TRIM37: variants seen among roughly 807,000 people sequenced by gnomAD.
TRIM37 encodes E3 ubiquitin-protein ligase TRIM37.
TRIM37 carries 80 observed loss-of-function variants against 129.8 expected under a neutral mutation model. The ratio of observed to expected loss-of-function variants is 0.62; its 90% CI spans 0.51 to 0.74. TRIM37 has a LOEUF of 0.74. Among genes scored for constraint, TRIM37 ranks in the 30% least tolerant of loss-of-function variants. The pLI is 0.00. For missense variants in TRIM37, 1,054 were observed against 1,176.5 expected (o/e 0.90, Z 1.52); for synonymous variants, 389 against 387.1 (o/e 1.00, Z -0.06).
rs535883135 is a variant in TRIM37, at chr17:59,088,517, A to T, written c.165-110T>A. 388 of 605,668 alleles carry T rather than the reference A, an allele frequency of 6.4e-4. 1 individual carries two copies. The highest frequency in any genetic ancestry group is 2.0e-3 in the Middle Eastern group (7 of 3,422). 37.5% of individuals were successfully genotyped at this position (605,668 alleles called of 1,614,324 possible). On this transcript the variant is annotated intron_variant, in intron 3 of 23. Coordinates refer to ENST00000262294, the MANE Select transcript of TRIM37 (RefSeq NM_015294.6). ...ACAATAATACTCATACCATAACACTATTTTTTTTTTTTAAGAGATGAGTCT... is the reference window on the plus strand; with the variant it reads ...ACAATAATACTCATACCATAACACTTTTTTTTTTTTTTAAGAGATGAGTCT...
chr17:59,089,742 A>G (rs1460315548), intron 3 of TRIM37, among the ~76,000 whole-genome samples: 2 of 152,226 alleles, frequency 1.3e-5, no homozygotes, highest in African/African-American at 2.4e-5. Context: ...TGGACAGTGT[A>G]GACATAGAAC....
Position 59,001,634 on chromosome 17 carries a change from C to G in TRIM37, c.2776G>C (p.Asp926His), listed in dbSNP as rs375437566. 1.9e-6 allele frequency: 3 copies of G among 1,613,876 alleles called. No individual in the cohort carries two copies. Among genetic ancestry groups the G allele is most frequent in the Non-Finnish European group, 2.5e-6 (3 of 1,179,990 alleles). Reference protein sequence around the residue: ...EEHTSVGGFHDSFMVMTQPPD... With the variant: ...EEHTSVGGFHHSFMVMTQPPD... Reference sequence around the variant, plus strand: ...GGCTGTGTCATGACCATGAAGGAGTCGTGAAACCCGCCCACACTGGTATGC... The same window carrying G: ...GGCTGTGTCATGACCATGAAGGAGTGGTGAAACCCGCCCACACTGGTATGC... Residue 926 changes from aspartate to histidine, a missense_variant, in exon 23 of 24, where the codon GAC becomes CAC. By Grantham distance (81) the Asp-to-His change is moderately conservative (BLOSUM62 -1). Transcript: ENST00000262294.
At chr17:58,996,308 T>C (rs2032989705), downstream of TRIM37, among the ~76,000 whole-genome samples, 1 of 150,252 alleles carries the variant, frequency 6.7e-6, no homozygotes, top group African/African-American at 2.5e-5. Context: ...CCATCTCTAC[T>C]AAAATACAAA....
chr17:59,007,935 T>G (rs911965725), intron 22 of TRIM37, among the ~76,000 whole-genome samples: 3 of 152,206 alleles, frequency 2.0e-5, no homozygotes, highest in Non-Finnish European at 4.4e-5. Flanking sequence ...CTTTTTGTAT[T>G]CAGCTAAAAT....
chr17:59,078,996 C>G (rs143263017), intron 7 of TRIM37, among the ~76,000 whole-genome samples: 1 of 147,638 alleles, frequency 6.8e-6, no homozygotes, highest in Non-Finnish European at 1.5e-5. Flanking sequence ...TGGATAAAAT[C>G]ATTATTTTGG....
chr17:58,980,699 TCTC>T (rs761247536), downstream of TRIM37: 7 of 1,614,212 alleles, frequency 4.3e-6, no homozygotes, highest in Non-Finnish European at 5.9e-6. This position sits in a 1 kb window ranked among gnomAD's most constrained non-coding sequence, Gnocchi z 4.7. Context: ...GCAGAGCTTG[TCTC>T]CTGTCTGTTC....
At chr17:58,986,504 C>CTT (rs530928011) in intron 24 of TRIM37, among the ~76,000 whole-genome samples, 1,289 of 124,952 alleles carry the variant, frequency 0.01, 29 homozygotes, top group Middle Eastern at 0.014. Context: ...TTCCATCTGT[C>CTT]TTTTTTTTTT....
At chr17:59,089,741 T>C (rs1020564789) in intron 3 of TRIM37, among the ~76,000 whole-genome samples, 6 of 152,182 alleles carry the variant, frequency 3.9e-5, no homozygotes, top group East Asian at 1.9e-4. Flanking sequence ...CTGGACAGTG[T>C]AGACATAGAA....
intron 10 of TRIM37, 72 bp from the exon 11 acceptor site, chr17:59,062,720 A>G: frequency 8.1e-7 from 1 of 1,234,916 alleles, no homozygotes; most frequent in Non-Finnish European, 1.2e-6. Context: ...AAAAAGAAAG[A>G]CCAACCAGTT....
At chr17:58,974,381 A>T in the TRIM37 span, among the ~76,000 whole-genome samples, 2 of 152,184 alleles carry the variant, frequency 1.3e-5, no homozygotes. Context: ...CTGGAGTTTC[A>T]AAGAACCCTA....
At position 59,032,904 on chromosome 17, in the gene TRIM37, T is replaced by G. The variant is rs539382488; in HGVS notation, c.1754-814A>C. On this transcript the variant is annotated intron_variant, in intron 17 of 23. Coordinates refer to ENST00000262294, the MANE Select transcript of TRIM37 (RefSeq NM_015294.6). ...CTTTGATTAAATAATGGGGTACAAT[T>G]TGAAGTTTTTGGACTGTCATGTTAA... Among the ~76,000 whole-genome samples, 83 of 152,252 alleles carry G rather than the reference T, an allele frequency of 5.5e-4. 1 individual carries two copies. Among genetic ancestry groups the G allele is most frequent in the Admixed American group, 9.2e-4 (14 of 15,282 alleles).
chr17:58,977,989 G>A (rs1191949550), downstream of TRIM37, among the ~76,000 whole-genome samples: 1 of 152,128 alleles, frequency 6.6e-6, no homozygotes, highest in Non-Finnish European at 1.5e-5. Flanking sequence ...GTATCCTCCC[G>A]CCTTGGCCTC....
rs967466075 is a variant in TRIM37, at chr17:59,015,491, T to C, written c.2576+119A>G. 3.8e-6 allele frequency: 4 copies of C among 1,051,348 alleles called. No homozygotes were observed. The African/African-American group carries it at 6.3e-5, about 17-fold the overall frequency. 65.1% of individuals were successfully genotyped at this position (1,051,348 alleles called of 1,614,324 possible). A position where few individuals can be genotyped will look rare whatever the true frequency, so the allele number is the denominator to read the frequency against. Reference sequence around the variant, plus strand: ...AAAATTTAGTGCAATAAATGTATTTTCTGTCCACTAAAAAATTAACAAGGT... The same window carrying C: ...AAAATTTAGTGCAATAAATGTATTTCCTGTCCACTAAAAAATTAACAAGGT... On this transcript the variant is annotated intron_variant, in intron 21 of 23. Transcript: ENST00000262294.
At chr17:58,996,450 A>G (rs1408676172), downstream of TRIM37, among the ~76,000 whole-genome samples, 1 of 150,148 alleles carries the variant, frequency 6.7e-6, no homozygotes, top group Non-Finnish European at 1.5e-5. Flanking sequence ...AGCCTGGCCG[A>G]CAGAGTGAGA....
intron 19 of TRIM37, among the ~76,000 whole-genome samples, chr17:59,020,230 CAAAAAAAAAAAAA>C (rs58159558): frequency 3.1e-5 from 1 of 32,044 alleles, no homozygotes; most frequent in Admixed American, 6.0e-4. Context: ...GACTCTGTCT[CAAAAAAAAAAAAA>C]AAAAAAAAAA....
At chr17:59,074,717 C>G (rs951597995) in intron 8 of TRIM37, among the ~76,000 whole-genome samples, 1 of 152,128 alleles carries the variant, frequency 6.6e-6, no homozygotes, top group Non-Finnish European at 1.5e-5. Flanking sequence ...ATAAAAATCT[C>G]AGGAGACAGC....
the TRIM37 span, among the ~76,000 whole-genome samples, chr17:58,970,995 A>G: frequency 6.6e-6 from 1 of 151,754 alleles, no homozygotes; most frequent in East Asian, 1.9e-4. Context: ...TTTTCTGACC[A>G]TGTTTACCTC....
chr17:59,051,291 G>T lies in TRIM37; in HGVS notation c.1237C>A (p.Arg413=), dbSNP rs765167330. ...VRSPTFFQKS[R]DQHWYITQLE... ...TGAGTAATGTACCAATGCTGGTCCC[G>T]GGATTTTTGAAAGAAAGTTGGTGAA... The change falls in exon 14 of 24, where the codon CGG becomes AGG. Residue 413 remains arginine, a synonymous_variant. Coordinates refer to ENST00000262294, the MANE Select transcript of TRIM37 (RefSeq NM_015294.6). The T allele has an allele frequency of 3.1e-6, 5 of 1,613,640 alleles. No homozygotes were observed. Among genetic ancestry groups the T allele is most frequent in the African/African-American group, 1.3e-5 (1 of 74,934 alleles).
the TRIM37 span, among the ~76,000 whole-genome samples, chr17:58,972,594 G>A: frequency 6.6e-6 from 1 of 152,128 alleles, no homozygotes; most frequent in East Asian, 1.9e-4. Context: ...CAGGTGATCT[G>A]CCTGCTTCGG....
Sources: gnomAD v4.1 joint callset for allele counts (sites outside exome capture counted in the v4.1 genomes callset) on GRCh38, gnomAD v4.1.1 for gene constraint, Gnocchi (gnomAD v3.1) non-coding constraint, MANE v1.5 for transcripts, NCBI Gene and HGNC (gene_info 2026-07-23, HGNC 2026-07-21) for gene names.